Variants in IL36RN observed in about 807,000 individuals in gnomAD.
IL36RN encodes interleukin-36 receptor antagonist protein.
In IL36RN, 11 loss-of-function variants were observed where a neutral mutation model predicts 13.0. That is an observed-to-expected ratio of 0.85 (90% confidence interval 0.53 to 1.40). The LOEUF (loss-of-function observed/expected upper bound fraction) is 1.40, where lower values mean the gene tolerates loss of function less well. Among genes scored for constraint, IL36RN ranks in the 40% most tolerant of loss-of-function variants. The probability of loss-of-function intolerance (pLI) is 0.00; values close to 1 mark genes in which losing one functional copy is unlikely to be tolerated. For synonymous variants in IL36RN, 94 were observed against 84.1 expected (o/e 1.12, Z -0.64); for missense variants, 195 against 195.3 (o/e 1.00, Z 0.01).
At chr2:113,059,747 G>A (rs1685603035) in intron 2 of IL36RN, among the ~76,000 whole-genome samples, 2 of 152,168 alleles carry the variant, frequency 1.3e-5, no homozygotes, top group East Asian at 1.9e-4. Flanking sequence ...GGGAACGGGG[G>A]CCAGGATCCC....
At chr2:113,061,054 T>C (rs1685631114) in intron 3 of IL36RN, 117 bp downstream of exon 3, 6 of 808,484 alleles carry the variant, frequency 7.4e-6, no homozygotes, top group Admixed American at 3.9e-5. Context: ...GCCCAGGCAT[T>C]GGGGCAGCAC....
At chr2:113,062,047 C>T (rs1558843435) in intron 3 of IL36RN, 77 bp from the exon 4 acceptor site, 1 of 1,572,738 alleles carries the variant, frequency 6.4e-7, no homozygotes, top group South Asian at 1.2e-5. Flanking sequence ...TACAGCAGTC[C>T]TGTGCCCTAG....
rs1426580149 is a variant in IL36RN, at chr2:113,062,481, G to A, written c.272G>A (p.Gly91Asp). The A allele has an allele frequency of 6.2e-7, 1 of 1,614,068 alleles. No homozygotes were observed. Among genetic ancestry groups the A allele is most frequent in the Non-Finnish European group, 8.5e-7 (1 of 1,180,012 alleles). The change falls in exon 5 of 5, where the codon GGT becomes GAT. Residue 91 changes from glycine (G) to aspartate (D), a missense_variant. Coordinates refer to ENST00000393200, the MANE Select transcript of IL36RN (RefSeq NM_012275.3). ...GTGAACATCATGGAGCTCTATCTTG[G>A]TGCCAAGGAATCCAAGAGCTTCACC... is the stretch of plus-strand genomic sequence containing the variant. ...EPVNIMELYL[G>D]AKESKSFTFY... is the part of the protein sequence containing the mutation.
chr2:113,061,228 C>G (rs1328874043), intron 3 of IL36RN, among the ~76,000 whole-genome samples: 1 of 152,184 alleles, frequency 6.6e-6, no homozygotes, highest in Admixed American at 6.5e-5. Flanking sequence ...CATTGCATTC[C>G]CTGGGAGCCA....
At position 113,062,941 on chromosome 2, in the gene IL36RN, A is replaced by T; in HGVS notation, c.*264A>T. 1.0e-5 allele frequency: 5 copies of T among 496,166 alleles called. No individual in the cohort carries two copies. Among genetic ancestry groups the T allele is most frequent in the East Asian group, 3.9e-5 (1 of 25,912 alleles). 30.7% of individuals were successfully genotyped at this position (496,166 alleles called of 1,614,324 possible). On this transcript the variant is annotated 3_prime_UTR_variant, in exon 5 of 5. Transcript: ENST00000393200. The stretch of plus-strand genomic sequence containing the variant: ...GGGGTAAACTGGGAATAACATGAAA[A>T]GATTTCTGTGGAGGTGGGGTGGGGG...
At chr2:113,060,811 C>T (rs1685626322) in intron 2 of IL36RN, 41 bp from the exon 3 acceptor site, 2 of 1,435,026 alleles carry the variant, frequency 1.4e-6, no homozygotes, top group Non-Finnish European at 2.0e-6. Context: ...GAGTGTCCAC[C>T]CTCCTCCTAA....
chr2:113,062,516 C>T lies in IL36RN; in HGVS notation c.307C>T (p.Arg103Trp), dbSNP rs375207169. The T allele has an allele frequency of 7.7e-5, 125 of 1,614,002 alleles. No individual in the cohort carries two copies. Among genetic ancestry groups the T allele is most frequent in the Middle Eastern group, 1.6e-4 (1 of 6,084 alleles). ...KESKSFTFYRRDMGLTSSFES... is the reference protein window; with the variant it reads ...KESKSFTFYRWDMGLTSSFES... ...ATCCAAGAGCTTCACCTTCTACCGG[C>T]GGGACATGGGGCTCACCTCCAGCTT... The change falls in exon 5 of 5, where the codon CGG becomes TGG. Residue 103 changes from arginine (R) to tryptophan (W), a missense_variant. Physicochemically the swap from Arg to Trp is moderately radical, Grantham distance 101. Transcript: ENST00000393200.
chr2:113,064,371 C>T lies in IL36RN; in HGVS notation c.*1694C>T, dbSNP rs1685700850. On this transcript the variant is annotated 3_prime_UTR_variant, in exon 5 of 5. Coordinates refer to ENST00000393200, the MANE Select transcript of IL36RN (RefSeq NM_012275.3). The stretch of plus-strand genomic sequence containing the variant: ...ATCCCTGTCTCCTCGTGTTTACATT[C>T]TGTGTGTGTCCCCTCCCACAATGTA... 6.6e-6 allele frequency: 1 copy of T among 152,208 alleles called. No homozygotes were observed. The highest frequency in any genetic ancestry group is 2.1e-4 in the South Asian group (1 of 4,818). 9.4% of individuals were successfully genotyped at this position (152,208 alleles called of 1,614,324 possible).
At chr2:113,059,279 C>T in intron 1 of IL36RN, 38 bp downstream of exon 1, 1 of 759,882 alleles carries the variant, frequency 1.3e-6, no homozygotes, top group Non-Finnish European at 2.3e-6. Context: ...GAGCTCTCTC[C>T]TGACCCCAGA....
chr2:113,060,199 C>A (rs1450832847), intron 2 of IL36RN, among the ~76,000 whole-genome samples: 2 of 152,118 alleles, frequency 1.3e-5, no homozygotes, highest in Non-Finnish European at 2.9e-5. Context: ...ATGCATCGAC[C>A]CAATTTTTAC....
rs1685588682 is a variant in IL36RN at position 113,059,218 on chromosome 2, G to A, written c.-51G>A. On this transcript the variant is annotated 5_prime_UTR_variant, in exon 1 of 5. Transcript: ENST00000393200. Reference sequence around the variant, plus strand: ...GGAACAGGCAGACTCCACAGCTCCCGCCAGGAGAAAGGAACATTCTGAGGT... The same window carrying A: ...GGAACAGGCAGACTCCACAGCTCCCACCAGGAGAAAGGAACATTCTGAGGT... The A allele has an allele frequency of 1.5e-5, 9 of 617,414 alleles. No individual in the cohort carries two copies. The East Asian group carries it at 1.7e-4, about 12-fold the overall frequency. The allele number at this position is 617,414 out of a possible 1,614,324, so 38.2% of individuals were successfully genotyped here.
rs755295515 is a variant in IL36RN, at chr2:113,062,651, G to C, written c.442G>C (p.Asp148His). 1 of 1,612,342 alleles carries C rather than the reference G, an allele frequency of 6.2e-7. No homozygotes were observed. Among genetic ancestry groups the C allele is most frequent in the Non-Finnish European group, 8.5e-7 (1 of 1,180,006 alleles). The change falls in exon 5 of 5, where the codon GAC (aspartate) becomes CAC (histidine). Residue 148 changes from aspartate to histidine, a missense_variant. Physicochemically the swap from Asp to His is moderately conservative, Grantham distance 81. Transcript: ENST00000393200. ...ENGGWNAPITDFYFQQCD is the reference protein window; with the variant it reads ...ENGGWNAPITHFYFQQCD ...TGGTGGCTGGAATGCCCCCATCACA[G>C]ACTTCTACTTCCAGCAGTGTGACTA...
chr2:113,059,342 T>A (rs1685591983), intron 1 of IL36RN, 70 bp from the exon 2 acceptor site: 3 of 1,366,652 alleles, frequency 2.2e-6, no homozygotes, highest in African/African-American at 2.8e-5. Context: ...TCGGTGCAGC[T>A]GCTTGCTCCC....
chr2:113,061,767 G>A (rs549525269), intron 3 of IL36RN, among the ~76,000 whole-genome samples: 1 of 152,290 alleles, frequency 6.6e-6, no homozygotes, highest in South Asian at 2.1e-4. Context: ...ATCACAGGGT[G>A]TAGAAAGTTG....
intron 3 of IL36RN, 71 bp downstream of exon 3, chr2:113,061,008 TTAG>T: frequency 8.6e-7 from 1 of 1,158,736 alleles, no homozygotes; most frequent in South Asian, 1.2e-5. Context: ...TGAAGAGGGC[TTAG>T]AATAGTCATA....
In IL36RN at chr2:113,059,446, T is replaced by C. The variant is rs766403906; in HGVS notation, c.8T>C (p.Leu3Pro). 7 of 1,613,940 alleles carry C rather than the reference T, an allele frequency of 4.3e-6. No homozygotes were observed. In the Admixed American group the frequency reaches 1.2e-4, roughly 27 times the overall value. Reference protein sequence around the residue: MVLSGALCFRMKD... With the variant: MVPSGALCFRMKD... ...CACCCTGTGGAGCTCAAGATGGTCCTGAGTGGGGCGCTGTGCTTCCGGTGA... is the reference window on the plus strand; with the variant it reads ...CACCCTGTGGAGCTCAAGATGGTCCCGAGTGGGGCGCTGTGCTTCCGGTGA... The change falls in exon 2 of 5, where the codon CTG becomes CCG. Residue 3 changes from leucine (L) to proline (P), a missense_variant. Physicochemically the swap from Leu to Pro is moderately conservative, Grantham distance 98. Transcript: ENST00000393200.
rs1156825476 is a variant in IL36RN, at chr2:113,063,282, T to C, written c.*605T>C. 4 of 164,550 alleles carry C rather than the reference T, an allele frequency of 2.4e-5. No individual in the cohort carries two copies. Among genetic ancestry groups the C allele is most frequent in the Non-Finnish European group, 5.4e-5 (4 of 74,250 alleles). 10.2% of individuals were successfully genotyped at this position (164,550 alleles called of 1,614,324 possible). A position where few individuals can be genotyped will look rare whatever the true frequency, so the allele number is the denominator to read the frequency against. On this transcript the variant is annotated 3_prime_UTR_variant, in exon 5 of 5. Transcript: ENST00000393200. Reference sequence around the variant, plus strand: ...TCGAGCTCAGAAGATAAAAGATAAGTAGGGTATGCTGATCCTCTTTTAAAA... The same window carrying C: ...TCGAGCTCAGAAGATAAAAGATAAGCAGGGTATGCTGATCCTCTTTTAAAA...
chr2:113,062,452 G>C lies in IL36RN; in HGVS notation c.244-1G>C. ...CCTGACCTCCCCTCCTCTGCCGGCA[G>C]CCAGTGAACATCATGGAGCTCTATC... On this transcript the variant is annotated splice_acceptor_variant, in intron 4 of 4. Coordinates refer to ENST00000393200, the MANE Select transcript of IL36RN (RefSeq NM_012275.3). LOFTEE classifies it high-confidence loss of function. The C allele has an allele frequency of 6.2e-7, 1 of 1,614,078 alleles. No individual in the cohort carries two copies.
chr2:113,058,930 ACTGACT>A (rs932228974), upstream of IL36RN, among the ~76,000 whole-genome samples: 6 of 152,166 alleles, frequency 3.9e-5, no homozygotes, highest in African/African-American at 1.4e-4. Flanking sequence ...TGCCATGGGC[ACTGACT>A]CTTAGGGTCT....
Sources: gnomAD v4.1 joint callset for allele counts (sites outside exome capture counted in the v4.1 genomes callset) on GRCh38, gnomAD v4.1.1 for gene constraint, MANE v1.5 for transcripts, NCBI Gene and HGNC (gene_info 2026-07-23, HGNC 2026-07-21) for gene names.